PROSER1: variants seen among roughly 807,000 people sequenced by gnomAD.
PROSER1 encodes the protein proline and serine-rich protein 1.
In PROSER1, 36 loss-of-function variants were observed where a neutral mutation model predicts 71.8. The ratio of observed to expected loss-of-function variants is 0.50; its 90% CI spans 0.38 to 0.66. The LOEUF is 0.66. Ranked by LOEUF, PROSER1 falls within the 30% of genes least tolerant of loss-of-function variation. PROSER1 has a pLI of 0.00. For synonymous variants in PROSER1, 490 were observed against 452.4 expected, an observed-to-expected ratio of 1.08 and a Z score of -1.06; for missense variants, 1,107 against 1,135.0, an observed-to-expected ratio of 0.98 and a Z score of 0.35.
intron 5 of PROSER1, among the ~76,000 whole-genome samples, chr13:39,027,885 A>C (rs1212746544): frequency 1.3e-5 from 2 of 152,216 alleles, no homozygotes; most frequent in Non-Finnish European, 2.9e-5. Flanking sequence ...TAAACTGGAT[A>C]ACAAAGCAAA....
intron 10 of PROSER1, 133 bp downstream of exon 10, chr13:39,017,367 T>C: frequency 1.5e-6 from 1 of 657,334 alleles, no homozygotes; most frequent in Non-Finnish European, 2.6e-6. Flanking sequence ...TTTTAACAAG[T>C]ATGAATTATA....
At chr13:39,030,159 T>TG (rs1870769464) in intron 3 of PROSER1, among the ~76,000 whole-genome samples, 1 of 152,198 alleles carries the variant, frequency 6.6e-6, no homozygotes, top group South Asian at 2.1e-4. Context: ...TAAGCCCCTT[T>TG]GCATGTTTTT....
intron 10 of PROSER1, 93 bp from the exon 11 acceptor site, chr13:39,014,569 A>T: frequency 1.1e-6 from 1 of 879,446 alleles, no homozygotes; most frequent in Admixed American, 2.9e-5. Context: ...GTAATATTTA[A>T]CAAATACCAA....
intron 12 of PROSER1, 64 bp downstream of exon 12, chr13:39,012,019 G>C: frequency 6.7e-7 from 1 of 1,490,660 alleles, no homozygotes; most frequent in South Asian, 1.2e-5. Flanking sequence ...ATACTGCAAT[G>C]TTATCACTAC....
chr13:39,025,413 G>A (rs1388737024), intron 6 of PROSER1, among the ~76,000 whole-genome samples: 1 of 152,154 alleles, frequency 6.6e-6, no homozygotes, highest in Non-Finnish European at 1.5e-5. Flanking sequence ...CAGAATGAAT[G>A]GGGCTGACCT....
chr13:39,021,690 T>G (rs547878916), intron 9 of PROSER1, among the ~76,000 whole-genome samples: 1 of 152,124 alleles, frequency 6.6e-6, no homozygotes, highest in African/African-American at 2.4e-5. Context: ...TGTTTTCACC[T>G]GTTTCTTCCT....
At chr13:39,018,415 A>G (rs574278785) in intron 9 of PROSER1, among the ~76,000 whole-genome samples, 2 of 151,992 alleles carry the variant, frequency 1.3e-5, no homozygotes, top group South Asian at 2.1e-4. Context: ...CTGAGGTGAC[A>G]AAAAATAACC....
intron 9 of PROSER1, among the ~76,000 whole-genome samples, chr13:39,021,595 T>C (rs1314879389): frequency 6.6e-6 from 1 of 152,170 alleles, no homozygotes; most frequent in Admixed American, 6.6e-5. Context: ...TAAAGGTATT[T>C]TTTTAAAAGT....
At chr13:39,025,197 GTGTGATTATTTATAT>G (rs1870490322) in intron 6 of PROSER1, among the ~76,000 whole-genome samples, 1 of 152,110 alleles carries the variant, frequency 6.6e-6, no homozygotes, top group African/African-American at 2.4e-5. Context: ...TAAAGATTAA[GTGTGATTATTTATAT>G]TGTCAAGGGT....
chr13:39,011,779 G>C (rs760650631), intron 12 of PROSER1, among the ~76,000 whole-genome samples: 2 of 152,172 alleles, frequency 1.3e-5, no homozygotes, highest in Non-Finnish European at 2.9e-5. Context: ...TTGAATTACA[G>C]AAGACAAGTT....
At chr13:39,034,088 G>C in intron 2 of PROSER1, 43 bp downstream of exon 2, 5 of 1,371,678 alleles carry the variant, frequency 3.6e-6, no homozygotes, top group Non-Finnish European at 5.0e-6. Context: ...CCAGAACATT[G>C]GTATAAAAAG....
In PROSER1 at chr13:39,037,484, G is replaced by C. The variant is rs1004738501; in HGVS notation, c.-242C>G. The C allele has an allele frequency of 3.7e-5, 18 of 492,670 alleles. No individual in the cohort carries two copies. The highest frequency in any genetic ancestry group is 6.1e-5 in the Non-Finnish European group (17 of 277,096). The allele number at this position is 492,670 out of a possible 1,614,324, so 30.5% of individuals were successfully genotyped here. Reference sequence around the variant, plus strand: ...AAAACACTCCAGTCAGGCTTCCCCAGCTTATTCACACAATGGTTCAGGGCA... The same window carrying C: ...AAAACACTCCAGTCAGGCTTCCCCACCTTATTCACACAATGGTTCAGGGCA... On this transcript the variant is annotated 5_prime_UTR_variant, in exon 1 of 13. Coordinates refer to ENST00000352251, the MANE Select transcript of PROSER1 (RefSeq NM_025138.5).
In PROSER1 at chr13:39,034,824, G is replaced by A. The variant is rs755304933; in HGVS notation, c.46-628C>T. Among the ~76,000 whole-genome samples the A allele has an allele frequency of 4.7e-4, 72 of 152,288 alleles. 1 individual carries two copies. Among genetic ancestry groups the A allele is most frequent in the Admixed American group, 1.6e-3 (25 of 15,300 alleles). ...ACCAACCTCAAAGAATTACTATGAAGACTATAATAGTGGACATTAGATGTG... is the reference window on the plus strand; with the variant it reads ...ACCAACCTCAAAGAATTACTATGAAAACTATAATAGTGGACATTAGATGTG... On this transcript the variant is annotated intron_variant, in intron 1 of 12. Coordinates refer to ENST00000352251, the MANE Select transcript of PROSER1 (RefSeq NM_025138.5).
rs1871181365 is a variant in PROSER1 at position 39,037,529 on chromosome 13, C to T, written c.-287G>A. The T allele has an allele frequency of 3.2e-6, 1 of 312,232 alleles. No individual in the cohort carries two copies. The highest frequency in any genetic ancestry group is 4.8e-5 in the Admixed American group (1 of 20,730). The allele number at this position is 312,232 out of a possible 1,614,324, so 19.3% of individuals were successfully genotyped here. On this transcript the variant is annotated 5_prime_UTR_variant, in exon 1 of 13. Coordinates refer to ENST00000352251, the MANE Select transcript of PROSER1 (RefSeq NM_025138.5). ...AGGGCACCTCGGGCAAGAGCCAGGTCCTCTGAGTTTTGCAGAAAAACCCGG... is the reference window on the plus strand; with the variant it reads ...AGGGCACCTCGGGCAAGAGCCAGGTTCTCTGAGTTTTGCAGAAAAACCCGG...
chr13:39,034,136 C>A lies in PROSER1; in HGVS notation c.106G>T (p.Glu36Ter). 1 of 1,571,882 alleles carries A rather than the reference C, an allele frequency of 6.4e-7. No homozygotes were observed. Among genetic ancestry groups the A allele is most frequent in the Non-Finnish European group, 8.6e-7 (1 of 1,161,690 alleles). ...IEYVHGYFSSEQVVDLLRYFS... is the reference protein window; with the variant it reads ...IEYVHGYFSS ...AAACAAATAATGAGGAATACCTGTT[C>A]ACTAGAAAAGTATCCATGCACATAT... Residue 36 changes from glutamate to a stop codon, truncating the protein, a stop_gained, in exon 2 of 13, where the codon GAA becomes TAA. Transcript: ENST00000352251. LOFTEE classifies it high-confidence loss of function.
In PROSER1 at chr13:39,014,388, T is replaced by C. The variant is rs1869899512; in HGVS notation, c.864A>G (p.Pro288=). The C allele has an allele frequency of 6.2e-7, 1 of 1,613,952 alleles. No homozygotes were observed. The highest frequency in any genetic ancestry group is 8.5e-7 in the Non-Finnish European group (1 of 1,180,004). ...CTGATGGATGATTAATTGCCTTGAC[T>C]GGGGATGCAGTAGGAACAGGAGTTG... ...PAATPVPTAS[P]VKAINHPSAS... Residue 288 remains proline (P), a synonymous_variant, in exon 11 of 13, where the codon CCA becomes CCG. Coordinates refer to ENST00000352251, the MANE Select transcript of PROSER1 (RefSeq NM_025138.5).
intron 3 of PROSER1, among the ~76,000 whole-genome samples, 191 bp downstream of exon 3, chr13:39,031,372 T>A (rs1339610880): frequency 6.6e-6 from 1 of 152,242 alleles, no homozygotes; most frequent in Non-Finnish European, 1.5e-5. Context: ...CGGGACACTG[T>A]AGCATACAAT....
intron 9 of PROSER1, 67 bp from the exon 10 acceptor site, chr13:39,017,611 T>C: frequency 1.2e-6 from 1 of 844,448 alleles, no homozygotes. Context: ...AATAAACAGA[T>C]ATTTGGATAA....
chr13:39,014,420 G>A lies in PROSER1; in HGVS notation c.832C>T (p.Pro278Ser), dbSNP rs1566022671. Residue 278 changes from proline (P) to serine (S), a missense_variant, in exon 11 of 13, where the codon CCT (proline) becomes TCT (serine). Pro to Ser is a moderately conservative substitution (Grantham distance 74, BLOSUM62 -1). Coordinates refer to ENST00000352251, the MANE Select transcript of PROSER1 (RefSeq NM_025138.5). ...GCAGTAGGAACAGGAGTTGCAGCAG[G>A]TGTTGAAGGATTAGAACCATGAGGA... ...FSPHGSNPST[P>S]AATPVPTASP... 2 of 1,614,070 alleles carry A rather than the reference G, an allele frequency of 1.2e-6. No individual in the cohort carries two copies. Among genetic ancestry groups the A allele is most frequent in the South Asian group, 1.1e-5 (1 of 91,072 alleles).
Sources: allele counts gnomAD v4.1 joint callset (sites outside exome capture counted in the v4.1 genomes callset), GRCh38; gene constraint gnomAD v4.1.1; transcripts MANE v1.5; gene names NCBI Gene and HGNC (gene_info 2026-07-23, HGNC 2026-07-21).